The following SCML4 variants were observed in gnomAD, a reference collection of about 807,000 sequenced individuals.
The protein encoded by SCML4 is sex comb on midleg-like protein 4.
A neutral mutation model predicts 41.1 loss-of-function variants in SCML4; 34 were observed. The ratio of observed to expected loss-of-function variants is 0.83; its 90% CI spans 0.63 to 1.10. SCML4 has a LOEUF of 1.10. SCML4 is among the 50% of genes least tolerant of loss of function. The probability of loss-of-function intolerance (pLI) is 0.00; values close to 1 mark genes in which losing one functional copy is unlikely to be tolerated. For synonymous variants in SCML4, 214 were observed against 220.9 expected (o/e 0.97, Z 0.28); for missense variants, 522 against 534.1 (o/e 0.98, Z 0.22).
At chr6:107,817,476 G>C (rs1269730786) in intron 1 of SCML4, among the ~76,000 whole-genome samples, 1 of 151,934 alleles carries the variant, frequency 6.6e-6, no homozygotes, top group African/African-American at 2.4e-5. Flanking sequence ...AATTATCTAG[G>C]TGTGGTGGCA....
intron 5 of SCML4, among the ~76,000 whole-genome samples, chr6:107,723,698 C>A (rs1173177405): frequency 6.6e-6 from 1 of 152,180 alleles, no homozygotes; most frequent in African/African-American, 2.4e-5. Context: ...TGAATAACTT[C>A]ACGGTTGAAT....
At chr6:107,726,529 T>C (rs1352342643) in intron 5 of SCML4, among the ~76,000 whole-genome samples, 54 of 39,558 alleles carry the variant, frequency 1.4e-3, no homozygotes, top group African/African-American at 6.4e-3. Context: ...CGAGACTCCA[T>C]CTCAAAAAAA....
Position 107,705,002 on chromosome 6 carries a change from A to G in SCML4, c.*198T>C. 1.6e-6 allele frequency: 1 copy of G among 639,152 alleles called. No homozygotes were observed. 39.6% of individuals were successfully genotyped at this position (639,152 alleles called of 1,614,324 possible). A position where few individuals can be genotyped will look rare whatever the true frequency, so the allele number is the denominator to read the frequency against. On this transcript the variant is annotated 3_prime_UTR_variant, in exon 8 of 8. Transcript: ENST00000369020. ...TGTAATTTTTTGGCAAATTATGAAC[A>G]CAGAGGAGCCTCTCGAAAAGGTCCA...
chr6:107,837,773 T>C, the SCML4 span, among the ~76,000 whole-genome samples: 1 of 152,180 alleles, frequency 6.6e-6, no homozygotes, highest in Non-Finnish European at 1.5e-5. Context: ...CCCTGCCTAC[T>C]GGTTCTGATT....
In SCML4 at chr6:107,749,767, C is replaced by T. The variant is rs375625250; in HGVS notation, c.203G>A (p.Arg68Gln). 6.8e-5 allele frequency: 110 copies of T among 1,613,880 alleles called. No individual in the cohort carries two copies. The highest frequency in any genetic ancestry group is 4.8e-4 in the Admixed American group (29 of 59,980). Residue 68 changes from arginine (R) to glutamine (Q), a missense_variant, in exon 3 of 8, where the codon CGG becomes CAG. Physicochemically the swap from Arg to Gln is conservative, Grantham distance 43. Coordinates refer to ENST00000369020, the MANE Select transcript of SCML4 (RefSeq NM_198081.5). The part of the protein sequence containing the change: ...LMTPLALSPP[R>Q]STPEPDLSSI... Reference sequence around the variant, plus strand: ...GCTGAGGTCGGGCTCTGGGGTACTCCGCGGAGGTGAGAGGGCTAAGGGAGT... The same window carrying T: ...GCTGAGGTCGGGCTCTGGGGTACTCTGCGGAGGTGAGAGGGCTAAGGGAGT...
chr6:107,715,054 A>G (rs1010557666), intron 6 of SCML4, among the ~76,000 whole-genome samples: 3 of 148,908 alleles, frequency 2.0e-5, no homozygotes, highest in African/African-American at 7.5e-5. Context: ...GGCTCAGTGC[A>G]ACCTCCACCT....
chr6:107,707,199 G>GCA (rs1773729849), intron 7 of SCML4, among the ~76,000 whole-genome samples: 2 of 152,070 alleles, frequency 1.3e-5, no homozygotes, highest in African/African-American at 4.8e-5. Flanking sequence ...TGCTCGGGTG[G>GCA]GCTGAGGCAC....
intron 5 of SCML4, among the ~76,000 whole-genome samples, chr6:107,742,713 T>C (rs1354242531): frequency 6.6e-6 from 1 of 152,018 alleles, no homozygotes; most frequent in African/African-American, 2.4e-5. Flanking sequence ...ATCCTTCAAA[T>C]ATGAAGGGTA....
At chr6:107,823,873 T>A (rs1785120497) in intron 1 of SCML4, among the ~76,000 whole-genome samples, 1 of 152,240 alleles carries the variant, frequency 6.6e-6, no homozygotes, top group Non-Finnish European at 1.5e-5. Context: ...AGCCCAAATT[T>A]ATAAACTATA....
chr6:107,746,577 G>T, intron 4 of SCML4, 112 bp downstream of exon 4: 1 of 894,540 alleles, frequency 1.1e-6, no homozygotes, highest in Non-Finnish European at 1.8e-6. Flanking sequence ...TAGGAGCCCA[G>T]CAGATGAAGG....
rs571501416 is a variant in SCML4 at position 107,705,044 on chromosome 6, A to C, written c.*156T>G. ...AAAGGTCCATGTTAAATTCTTCAAA[A>C]GGCAAAGATTCACAAGTTTTATAAA... is the stretch of plus-strand genomic sequence containing the variant. On this transcript the variant is annotated 3_prime_UTR_variant, in exon 8 of 8. Coordinates refer to ENST00000369020, the MANE Select transcript of SCML4 (RefSeq NM_198081.5). The C allele has an allele frequency of 3.9e-6, 3 of 764,814 alleles. No homozygotes were observed. In the African/African-American group the frequency reaches 5.3e-5, roughly 13 times the overall value. The allele number at this position is 764,814 out of a possible 1,614,324, so 47.4% of individuals were successfully genotyped here.
intron 7 of SCML4, 51 bp downstream of exon 7, chr6:107,707,815 C>T: frequency 6.4e-7 from 1 of 1,550,686 alleles, no homozygotes; most frequent in Non-Finnish European, 8.7e-7. Flanking sequence ...CACTCTCCTT[C>T]TGTGCCTGCT....
chr6:107,809,057 T>TA (rs11457595), intron 1 of SCML4, among the ~76,000 whole-genome samples: 150,714 of 152,314 alleles, frequency 0.99, 74,587 homozygotes, highest in Middle Eastern at 1. Context: ...GGGAGATGAT[T>TA]AGTCATGAGA....
intron 3 of SCML4, 52 bp downstream of exon 3, chr6:107,749,632 G>A: frequency 6.3e-7 from 1 of 1,598,012 alleles, no homozygotes; most frequent in Non-Finnish European, 8.5e-7. Context: ...GATGGTAGCT[G>A]CCCTGTTCTC....
intron 1 of SCML4, among the ~76,000 whole-genome samples, chr6:107,793,412 C>T (rs1383051525): frequency 6.6e-6 from 1 of 152,164 alleles, no homozygotes; most frequent in East Asian, 1.9e-4. Flanking sequence ...GAACCAATAA[C>T]TGGGAAGCGT....
intron 1 of SCML4, among the ~76,000 whole-genome samples, chr6:107,823,243 G>A (rs1286768428): frequency 6.6e-6 from 1 of 152,134 alleles, no homozygotes; most frequent in East Asian, 1.9e-4. Flanking sequence ...GAGACAACAC[G>A]AGGAGACACC....
intron 1 of SCML4, among the ~76,000 whole-genome samples, chr6:107,820,159 G>A (rs989590136): frequency 2.0e-5 from 3 of 152,210 alleles, no homozygotes; most frequent in African/African-American, 7.2e-5. Context: ...AGGAAGCCTT[G>A]TCACCGGTAT....
At chr6:107,777,924 T>C (rs1246836233) in intron 1 of SCML4, among the ~76,000 whole-genome samples, 3 of 151,800 alleles carry the variant, frequency 2.0e-5, no homozygotes, top group Admixed American at 2.0e-4. Context: ...CATCCAAATA[T>C]ATAAATCAGG....
chr6:107,752,154 G>T (rs1778748364), intron 2 of SCML4, among the ~76,000 whole-genome samples: 3 of 152,128 alleles, frequency 2.0e-5, no homozygotes, highest in Admixed American at 2.0e-4. Context: ...GGAAGTCAAA[G>T]ATGACTTCAA....
Sources: gnomAD v4.1 joint callset for allele counts (sites outside exome capture counted in the v4.1 genomes callset) on GRCh38, gnomAD v4.1.1 for gene constraint, MANE v1.5 for transcripts, NCBI Gene and HGNC (gene_info 2026-07-23, HGNC 2026-07-21) for gene names.